XRN2: variants seen among roughly 807,000 people sequenced by gnomAD.
The protein encoded by XRN2 is DHM1-like protein.
XRN2 carries 44 observed loss-of-function variants against 138.5 expected under a neutral mutation model. The observed-to-expected ratio is 0.32, with a 90% CI of 0.25 to 0.41. XRN2 has a LOEUF of 0.41. Ranked by LOEUF, XRN2 falls within the 10% of genes least tolerant of loss-of-function variation. XRN2 has a pLI of 1.00. For synonymous variants in XRN2, 354 were observed against 369.4 expected, an observed-to-expected ratio of 0.96 and a Z score of 0.48; for missense variants, 937 against 1,169.3, an observed-to-expected ratio of 0.80 and a Z score of 2.90.
At chr20:21,376,621 A>T (rs2038825845) in intron 27 of XRN2, among the ~76,000 whole-genome samples, 1 of 152,178 alleles carries the variant, frequency 6.6e-6, no homozygotes, top group South Asian at 2.1e-4. Context: ...GAGGGTCTGA[A>T]CTACACTGGC....
chr20:21,319,121 G>C (rs1020969769), intron 1 of XRN2, among the ~76,000 whole-genome samples: 2 of 151,804 alleles, frequency 1.3e-5, no homozygotes, highest in African/African-American at 4.8e-5. Flanking sequence ...ACTTTTTATC[G>C]TTATAAAATG....
chr20:21,344,163 A>G lies in XRN2; in HGVS notation c.1484A>G (p.Lys495Arg). ...SPSPLGGIKR[K>R]AEDSDSEPEP... ...TCTCCATTAGGAGGAATTAAGCGAAAAGCAGAAGACAGTGACAGTGAACCT... is the reference window on the plus strand; with the variant it reads ...TCTCCATTAGGAGGAATTAAGCGAAGAGCAGAAGACAGTGACAGTGAACCT... Residue 495 changes from lysine (K) to arginine (R), a missense_variant, in exon 16 of 30, where the codon AAA becomes AGA. Lys to Arg is a conservative substitution (Grantham distance 26). This residue lies in a region of XRN2 where 471 missense variants were observed against 581.2 expected (regional missense o/e 0.81). Coordinates refer to ENST00000377191, the MANE Select transcript of XRN2 (RefSeq NM_012255.5). The G allele has an allele frequency of 3.1e-6, 5 of 1,613,580 alleles. No individual in the cohort carries two copies. Among genetic ancestry groups the G allele is most frequent in the Non-Finnish European group, 4.2e-6 (5 of 1,179,562 alleles).
At chr20:21,340,593 T>G (rs2038358809) in intron 14 of XRN2, 128 bp from the exon 15 acceptor site, 3 of 952,016 alleles carry the variant, frequency 3.2e-6, no homozygotes, top group African/African-American at 3.3e-5. Context: ...CGAAGATCAT[T>G]TGGTTTTTTA....
intron 27 of XRN2, among the ~76,000 whole-genome samples, chr20:21,380,053 G>A (rs914977024): frequency 7.2e-5 from 11 of 152,068 alleles, no homozygotes; most frequent in African/African-American, 2.4e-4. Flanking sequence ...TGTATCCTGC[G>A]ATTATACCAT....
At chr20:21,322,461 T>C (rs2038059576) in intron 1 of XRN2, among the ~76,000 whole-genome samples, 1 of 152,140 alleles carries the variant, frequency 6.6e-6, no homozygotes, top group African/African-American at 2.4e-5. Context: ...TGAAACTGAG[T>C]TGTATGGTTT....
At chr20:21,349,004 T>C (rs1365848600) in intron 19 of XRN2, among the ~76,000 whole-genome samples, 2 of 152,186 alleles carry the variant, frequency 1.3e-5, no homozygotes, top group Admixed American at 1.3e-4. Context: ...TCCAGCCATA[T>C]TTGGTAGCCA....
intron 22 of XRN2, 128 bp downstream of exon 22, chr20:21,356,305 G>T: frequency 1.4e-6 from 1 of 720,184 alleles, no homozygotes; most frequent in Non-Finnish European, 2.2e-6. Flanking sequence ...TATTTCCAGT[G>T]TTGTATAACC....
intron 1 of XRN2, among the ~76,000 whole-genome samples, chr20:21,315,720 A>G (rs901585994): frequency 6.6e-6 from 1 of 151,168 alleles, no homozygotes; most frequent in Non-Finnish European, 1.5e-5. Flanking sequence ...TCTCGAATCA[A>G]CTCCTGAGCT....
At chr20:21,355,543 ATAAAAAG>A (rs1475138319) in intron 21 of XRN2, among the ~76,000 whole-genome samples, 1 of 152,172 alleles carries the variant, frequency 6.6e-6, no homozygotes, top group Admixed American at 6.5e-5. Flanking sequence ...TGAGTTTATT[ATAAAAAG>A]AAAATATTGC....
chr20:21,325,822 A>C (rs376325398), intron 1 of XRN2, among the ~76,000 whole-genome samples: 156 of 152,358 alleles, frequency 1.0e-3, no homozygotes, highest in Middle Eastern at 0.01. Context: ...GCTGGAGACC[A>C]GAGAGTCTAG....
At position 21,373,088 on chromosome 20, in the gene XRN2, C is replaced by G. The variant is rs111829817; in HGVS notation, c.2584+4498C>G. 6.5e-4 allele frequency among the ~76,000 whole-genome samples: 99 copies of G among 152,220 alleles called. 1 individual carries two copies. The highest frequency in any genetic ancestry group is 2.2e-3 in the African/African-American group (92 of 41,522). On this transcript the variant is annotated intron_variant, in intron 27 of 29. Transcript: ENST00000377191. ...AGTGCAGTGGCACAATCTTGGCTCA[C>G]CACAACCTCCACCTTTTAGGTTCAA...
intron 13 of XRN2, among the ~76,000 whole-genome samples, chr20:21,338,355 AC>A (rs2038325410): frequency 6.6e-6 from 1 of 152,182 alleles, no homozygotes; most frequent in Non-Finnish European, 1.5e-5. Flanking sequence ...AACCATGGCT[AC>A]AATTTGGAAA....
chr20:21,382,397 A>G (rs972722976), intron 28 of XRN2, among the ~76,000 whole-genome samples: 2 of 152,226 alleles, frequency 1.3e-5, no homozygotes, highest in Non-Finnish European at 2.9e-5. Context: ...ATGAGGCATA[A>G]CTAATGGTGT....
intron 27 of XRN2, among the ~76,000 whole-genome samples, chr20:21,375,867 C>A (rs1047270253): frequency 6.6e-6 from 1 of 150,590 alleles, no homozygotes; most frequent in Admixed American, 6.6e-5. Context: ...GAGACGGAGT[C>A]TCTCTCTGTC....
Position 21,354,870 on chromosome 20 carries a change from A to G in XRN2, c.2018A>G (p.Glu673Gly). ...EEVYPDLTPE[E>G]TRRNSLGGDV... ...GTATACCCAGACCTCACTCCAGAAG[A>G]GAGTAAGAATTATACTTCTTAGTTA... Residue 673 changes from glutamate to glycine, a missense_variant and splice_region_variant, in exon 21 of 30, where the codon GAG (glutamate) becomes GGG (glycine). By Grantham distance (98) the Glu-to-Gly change is moderately conservative. Coordinates refer to ENST00000377191, the MANE Select transcript of XRN2 (RefSeq NM_012255.5). 6.2e-7 allele frequency: 1 copy of G among 1,612,566 alleles called. No homozygotes were observed. Among genetic ancestry groups the G allele is most frequent in the Non-Finnish European group, 8.5e-7 (1 of 1,179,018 alleles).
intron 1 of XRN2, among the ~76,000 whole-genome samples, chr20:21,318,042 C>T (rs1479984717): frequency 2.6e-5 from 4 of 152,140 alleles, no homozygotes; most frequent in Non-Finnish European, 5.9e-5. Context: ...AGCAGTGAAG[C>T]CATTTACACT....
At chr20:21,335,424 G>T (rs946540852) in intron 13 of XRN2, among the ~76,000 whole-genome samples, 1 of 152,160 alleles carries the variant, frequency 6.6e-6, no homozygotes, top group Non-Finnish European at 1.5e-5. Flanking sequence ...ATGTGTCATT[G>T]AATCTTATTT....
chr20:21,387,589 C>T (rs2038949266), intron 29 of XRN2, among the ~76,000 whole-genome samples: 1 of 152,222 alleles, frequency 6.6e-6, no homozygotes, highest in African/African-American at 2.4e-5. Context: ...TCATGTCCTT[C>T]TCTTTACAGC....
Position 21,344,134 on chromosome 20 carries a change from C to T in XRN2, c.1455C>T (p.Ser485=). 1 of 1,613,144 alleles carries T rather than the reference C, an allele frequency of 6.2e-7. No homozygotes were observed. The highest frequency in any genetic ancestry group is 8.5e-7 in the Non-Finnish European group (1 of 1,179,336). The change falls in exon 16 of 30, where the codon TCC becomes TCT. Residue 485 remains serine, a synonymous_variant. Coordinates refer to ENST00000377191, the MANE Select transcript of XRN2 (RefSeq NM_012255.5). ...SPNTSFTSDG[S]PSPLGGIKRK... ...ATACGAGTTTCACATCTGATGGCTC[C>T]CCGTCTCCATTAGGAGGAATTAAGC...
Sources: gnomAD v4.1 joint callset for allele counts (sites outside exome capture counted in the v4.1 genomes callset) on GRCh38, gnomAD v4.1.1 for gene constraint, gnomAD v4.1.1 regional missense constraint, MANE v1.5 for transcripts, NCBI Gene and HGNC (gene_info 2026-07-23, HGNC 2026-07-21) for gene names.